The following SRRM2 variants were observed in gnomAD, a reference collection of about 807,000 sequenced individuals.
The protein encoded by SRRM2 is serine/arginine repetitive matrix 2, also known as serine/arginine repetitive matrix protein 2.
SRRM2 carries 30 observed loss-of-function variants against 213.8 expected under a neutral mutation model. The ratio of observed to expected loss-of-function variants is 0.14; its 90% CI spans 0.10 to 0.19. SRRM2 has a LOEUF of 0.19. Among genes scored for constraint, SRRM2 ranks in the 10% least tolerant of loss-of-function variants. SRRM2 has a pLI of 1.00. For synonymous variants in SRRM2, 2,025 were observed against 1,377.7 expected (o/e 1.47, Z -10.40); for missense variants, 4,904 against 3,647.0 (o/e 1.34, Z -8.88).
chr16:2,768,930 A>C, intron 11 of SRRM2, 67 bp from the exon 12 acceptor site: 1 of 1,602,558 alleles, frequency 6.2e-7, no homozygotes, highest in South Asian at 1.1e-5. Flanking sequence ...CCGTTCCTCC[A>C]GGCCAAGGAA....
chr16:2,764,644 A>G lies in SRRM2; in HGVS notation c.4116A>G (p.Lys1372=), dbSNP rs375404789. ...AAACAGATCCATCTCTAGACATGAAAGAACAATCGACAAGATCCTCTGGAC... is the reference window on the plus strand; with the variant it reads ...AAACAGATCCATCTCTAGACATGAAGGAACAATCGACAAGATCCTCTGGAC... The part of the protein sequence containing the change: ...QLETDPSLDM[K]EQSTRSSGHS... The change falls in exon 11 of 15, where the codon AAA becomes AAG. Residue 1372 remains lysine, a synonymous_variant. Transcript: ENST00000301740. The G allele has an allele frequency of 1.4e-5, 23 of 1,614,102 alleles. No homozygotes were observed. Among genetic ancestry groups the G allele is most frequent in the Non-Finnish European group, 1.9e-5 (22 of 1,180,052 alleles).
In SRRM2 at chr16:2,765,994, A is replaced by G. The variant is rs371902951; in HGVS notation, c.5466A>G (p.Ser1822=). 2.5e-5 allele frequency: 40 copies of G among 1,614,130 alleles called. No individual in the cohort carries two copies. In the East Asian group the frequency reaches 4.9e-4, roughly 20 times the overall value. The change falls in exon 11 of 15, where the codon TCA becomes TCG. Residue 1822 remains serine (S), a synonymous_variant. Coordinates refer to ENST00000301740, the MANE Select transcript of SRRM2 (RefSeq NM_016333.4). ...RRRRGGSGYH[S]RSPARQESSR... is the part of the protein sequence containing the mutation. ...GGAGGGGAGGCTCTGGTTATCACTCAAGGTCACCTGCCCGGCAGGAAAGTT... is the reference window on the plus strand; with the variant it reads ...GGAGGGGAGGCTCTGGTTATCACTCGAGGTCACCTGCCCGGCAGGAAAGTT...
In SRRM2 at chr16:2,765,695, A is replaced by C; in HGVS notation, c.5167A>C (p.Arg1723=). Residue 1723 remains arginine (R), a synonymous_variant, in exon 11 of 15, where the codon AGG becomes CGG. Coordinates refer to ENST00000301740, the MANE Select transcript of SRRM2 (RefSeq NM_016333.4). ...SPETRSRTPP[R]HRRSPSVSSP... ...AGAAACTCGCTCTAGAACTCCCCCAAGGCACCGGAGAAGTCCCTCAGTGTC... is the reference window on the plus strand; with the variant it reads ...AGAAACTCGCTCTAGAACTCCCCCACGGCACCGGAGAAGTCCCTCAGTGTC... 1 of 1,614,110 alleles carries C rather than the reference A, an allele frequency of 6.2e-7. No homozygotes were observed. The highest frequency in any genetic ancestry group is 8.5e-7 in the Non-Finnish European group (1 of 1,180,014).
Position 2,768,089 on chromosome 16 carries a change from T to G in SRRM2, c.7561T>G (p.Leu2521Val), listed in dbSNP as rs757574883. ...TACTGGGGCCCAGCAGCCTTCTGCATTAGCCGCCCTGCAGCCAGCAAAGGA... is the reference window on the plus strand; with the variant it reads ...TACTGGGGCCCAGCAGCCTTCTGCAGTAGCCGCCCTGCAGCCAGCAAAGGA... ...ASTGAQQPSA[L>V]AALQPAKERR... is the part of the protein sequence containing the mutation. The change falls in exon 11 of 15, where the codon TTA (leucine) becomes GTA (valine). Residue 2521 changes from leucine (L) to valine (V), a missense_variant. Transcript: ENST00000301740. The G allele has an allele frequency of 6.2e-7, 1 of 1,614,132 alleles. No individual in the cohort carries two copies. Among genetic ancestry groups the G allele is most frequent in the East Asian group, 2.2e-5 (1 of 44,880 alleles).
chr16:2,756,740 C>G lies in SRRM2; in HGVS notation c.242+134C>G, dbSNP rs557890504. 87 of 1,270,622 alleles carry G rather than the reference C, an allele frequency of 6.8e-5. 2 individuals are homozygous for G. The South Asian group carries it at 1.2e-3, about 18-fold the overall frequency. The allele number at this position is 1,270,622 out of a possible 1,614,324, so 78.7% of individuals were successfully genotyped here. ...TGTGGTAGGGGAGGAGGCAGATGAG[C>G]TCTAGAGAAGTGAAAACAGTTAAGG... On this transcript the variant is annotated intron_variant, in intron 2 of 14. Coordinates refer to ENST00000301740, the MANE Select transcript of SRRM2 (RefSeq NM_016333.4).
intron 11 of SRRM2, 120 bp from the exon 12 acceptor site, chr16:2,768,877 G>A (rs554623133): frequency 3.8e-5 from 59 of 1,546,218 alleles, no homozygotes; most frequent in Non-Finnish European, 4.5e-5. Context: ...CACGTGGCTC[G>A]GAGAGCTCCC....
chr16:2,761,182 T>C lies in SRRM2; in HGVS notation c.1033-379T>C, dbSNP rs372478908. ...AATCATGTTCTCACATCTTTATTCA[T>C]GCTGTTTCTTTTCGTTTAATAGAGT... On this transcript the variant is annotated intron_variant, in intron 10 of 14. Coordinates refer to ENST00000301740, the MANE Select transcript of SRRM2 (RefSeq NM_016333.4). Among the ~76,000 whole-genome samples, 8 of 152,374 alleles carry C rather than the reference T, an allele frequency of 5.3e-5. No individual in the cohort carries two copies. In the East Asian group the frequency reaches 9.6e-4, roughly 18 times the overall value.
intron 1 of SRRM2, chr16:2,753,555 C>G (rs141077343): frequency 3.7e-4 from 56 of 152,208 alleles, no homozygotes; most frequent in African/African-American, 1.3e-3. Flanking sequence ...TACACTTTTT[C>G]AACGTCTCCC....
chr16:2,766,512 G>C lies in SRRM2; in HGVS notation c.5984G>C (p.Arg1995Pro), dbSNP rs111312335. ...TCTCCGGTCACCCGAAGGAGATCTC[G>C]ATCTCGCACATCTCCAGTAACTCGA... ...RTSPVTRRRS[R>P]SRTSPVTRRR... The change falls in exon 11 of 15, where the codon CGA becomes CCA. Residue 1995 changes from arginine to proline, a missense_variant. Physicochemically the swap from Arg to Pro is moderately radical, Grantham distance 103. Transcript: ENST00000301740. This position sits in a 1 kb window ranked among gnomAD's most constrained non-coding sequence, Gnocchi z 7.0. 6.2e-7 allele frequency: 1 copy of C among 1,613,834 alleles called. No homozygotes were observed. The highest frequency in any genetic ancestry group is 8.5e-7 in the Non-Finnish European group (1 of 1,179,968).
intron 2 of SRRM2, 96 bp downstream of exon 2, chr16:2,756,702 C>A (rs746266624): frequency 9.5e-5 from 141 of 1,487,056 alleles, no homozygotes; most frequent in Non-Finnish European, 1.2e-4. Context: ...TTGAAAGAGG[C>A]CTGGCAAAGA....
Position 2,764,339 on chromosome 16 carries a change from T to C in SRRM2, c.3811T>C (p.Ser1271Pro). 4 of 1,614,202 alleles carry C rather than the reference T, an allele frequency of 2.5e-6. No homozygotes were observed. Among genetic ancestry groups the C allele is most frequent in the Non-Finnish European group, 3.4e-6 (4 of 1,180,050 alleles). ...AATGTCCACAAGTAACTTTGAATCA[T>C]CTCCTGAAGTAGAAGAAAGGCCTGC... ...KEMSTSNFES[S>P]PEVEERPAVS... Residue 1271 changes from serine (S) to proline (P), a missense_variant, in exon 11 of 15, where the codon TCT becomes CCT. By Grantham distance (74) the Ser-to-Pro change is moderately conservative. Coordinates refer to ENST00000301740, the MANE Select transcript of SRRM2 (RefSeq NM_016333.4).
intron 1 of SRRM2, among the ~76,000 whole-genome samples, chr16:2,755,628 A>G (rs771548108): frequency 3.3e-5 from 5 of 152,336 alleles, no homozygotes; most frequent in Non-Finnish European, 5.9e-5. Context: ...AATATTTGGA[A>G]TCAAGGAAAT....
intron 12 of SRRM2, 73 bp downstream of exon 12, chr16:2,769,357 G>C: frequency 6.7e-7 from 1 of 1,488,072 alleles, no homozygotes. Context: ...CCTGGGGTGT[G>C]AGCTCCCCGC....
rs1264008741 is a variant in SRRM2 at position 2,766,664 on chromosome 16, T to A, written c.6136T>A (p.Ser2046Thr). Residue 2046 changes from serine to threonine, a missense_variant, in exon 11 of 15, where the codon TCA (serine) becomes ACA (threonine). Physicochemically the swap from Ser to Thr is moderately conservative, Grantham distance 58 (BLOSUM62 1). Coordinates refer to ENST00000301740, the MANE Select transcript of SRRM2 (RefSeq NM_016333.4). The surrounding 1 kb of genome is among the most constrained non-coding windows in gnomAD (Gnocchi z 7.0). ...LLPRKRSRSR[S>T]PLAIRRRSRS... is the part of the protein sequence containing the mutation. ...ACCACGCAAACGTTCTCGAAGTCGC[T>A]CACCACTTGCTATCCGCCGCCGCTC... 3 of 1,611,066 alleles carry A rather than the reference T, an allele frequency of 1.9e-6. No individual in the cohort carries two copies. Among genetic ancestry groups the A allele is most frequent in the Non-Finnish European group, 2.5e-6 (3 of 1,179,138 alleles).
intron 12 of SRRM2, chr16:2,769,892 G>A (rs2068681882): frequency 2.2e-6 from 1 of 458,922 alleles, no homozygotes; most frequent in Non-Finnish European, 4.4e-6. Context: ...TCTAAGGAGA[G>A]CCCATGCCTT....
At position 2,765,075 on chromosome 16, in the gene SRRM2, G is replaced by C. The variant is rs761478401; in HGVS notation, c.4547G>C (p.Arg1516Thr). The change falls in exon 11 of 15, where the codon AGA becomes ACA. Residue 1516 changes from arginine to threonine, a missense_variant. Transcript: ENST00000301740. The stretch of plus-strand genomic sequence containing the variant: ...AAGTGTCTTACCCCCCAGAGAGAAA[G>C]AAGCGGGTCAGAATCATCAGTTGAT... Reference protein sequence around the residue: ...NNKCLTPQRERSGSESSVDQK... With the variant: ...NNKCLTPQRETSGSESSVDQK... 1.5e-5 allele frequency: 25 copies of C among 1,614,046 alleles called. No homozygotes were observed. Among genetic ancestry groups the C allele is most frequent in the Non-Finnish European group, 2.5e-6 (3 of 1,180,050 alleles).
Position 2,769,090 on chromosome 16 carries a change from T to A in SRRM2, c.7827T>A (p.Ser2609Arg), listed in dbSNP as rs2068644085. ...CCAAACGGAAGAGGCGCTCTAGCAG[T>A]TCCAGTTCCAGCTCCTCCTCTTCAT... Reference protein sequence around the residue: ...TPAKRKRRSSSSSSSSSSSSS... With the variant: ...TPAKRKRRSSRSSSSSSSSSS... Residue 2609 changes from serine (S) to arginine (R), a missense_variant, in exon 12 of 15, where the codon AGT becomes AGA. Transcript: ENST00000301740. 6.2e-7 allele frequency: 1 copy of A among 1,613,956 alleles called. No individual in the cohort carries two copies. The highest frequency in any genetic ancestry group is 8.5e-7 in the Non-Finnish European group (1 of 1,179,976).
intron 10 of SRRM2, 61 bp downstream of exon 10, chr16:2,760,560 G>C: frequency 6.3e-7 from 1 of 1,578,478 alleles, no homozygotes; most frequent in East Asian, 2.2e-5. Context: ...GGATAGACAT[G>C]TGATGTGAAA....
At position 2,764,102 on chromosome 16, in the gene SRRM2, G is replaced by T; in HGVS notation, c.3574G>T (p.Val1192Leu). 1.9e-6 allele frequency: 3 copies of T among 1,614,160 alleles called. No individual in the cohort carries two copies. Among genetic ancestry groups the T allele is most frequent in the Non-Finnish European group, 1.7e-6 (2 of 1,180,040 alleles). Residue 1192 changes from valine to leucine, a missense_variant, in exon 11 of 15, where the codon GTA becomes TTA. Coordinates refer to ENST00000301740, the MANE Select transcript of SRRM2 (RefSeq NM_016333.4). ...GAAAGACAAATTTAGTCCCTTTCCA[G>T]TACAGGATAGGCCTGAGTCTTCACT... ...RQKDKFSPFP[V>L]QDRPESSLVF...
Sources: gnomAD v4.1 joint callset for allele counts (sites outside exome capture counted in the v4.1 genomes callset) on GRCh38, gnomAD v4.1.1 for gene constraint, Gnocchi (gnomAD v3.1) non-coding constraint, MANE v1.5 for transcripts, NCBI Gene and HGNC (gene_info 2026-07-23, HGNC 2026-07-21) for gene names.